The following HMGA2 variants were observed in gnomAD, a reference collection of about 807,000 sequenced individuals.
The protein encoded by HMGA2 is high mobility group protein HMGI-C.
Under a neutral mutation model 19.1 loss-of-function variants are expected in HMGA2, and 8 were observed. The ratio of observed to expected loss-of-function variants is 0.42; its 90% confidence interval spans 0.25 to 0.76. The LOEUF (loss-of-function observed/expected upper bound fraction) is 0.76. Ranked by LOEUF, HMGA2 falls within the 30% of genes least tolerant of loss-of-function variation. The pLI is 0.28. For synonymous variants in HMGA2, 60 were observed against 48.8 expected, an observed-to-expected ratio of 1.23 and a Z score of -0.96; for missense variants, 109 against 136.3, an observed-to-expected ratio of 0.80 and a Z score of 1.00.
chr12:65,881,637 A>G, intron 3 of HMGA2: 1 of 570,526 alleles, frequency 1.8e-6, no homozygotes, highest in Admixed American at 2.3e-5. Flanking sequence ...GGAGGGAGGG[A>G]GGGAGGGAGG....
At chr12:65,832,669 G>A (rs911913951) in intron 2 of HMGA2, among the ~76,000 whole-genome samples, 1 of 152,016 alleles carries the variant, frequency 6.6e-6, no homozygotes, top group East Asian at 1.9e-4. Context: ...ATGAATCTTT[G>A]TTCTGCCAAC....
At chr12:65,868,444 C>T (rs1872545895) in intron 3 of HMGA2, among the ~76,000 whole-genome samples, 1 of 151,984 alleles carries the variant, frequency 6.6e-6, no homozygotes, top group Admixed American at 6.6e-5. Context: ...CGGATGCAGT[C>T]CACTACGATC....
At chr12:65,867,464 T>C (rs1179670028) in intron 3 of HMGA2, 1 of 454,840 alleles carries the variant, frequency 2.2e-6, no homozygotes, top group Non-Finnish European at 4.4e-6. Flanking sequence ...CAGTTTTCCC[T>C]TAATGAGTGT....
chr12:65,898,033 C>T (rs1874208918), intron 3 of HMGA2, among the ~76,000 whole-genome samples: 1 of 151,772 alleles, frequency 6.6e-6, no homozygotes, highest in East Asian at 1.9e-4. Context: ...GTGTTTCCAC[C>T]AGCCACTGAT....
intron 4 of HMGA2, chr12:65,952,672 A>C (rs918233669): frequency 2.6e-6 from 1 of 379,116 alleles, no homozygotes; most frequent in African/African-American, 2.0e-5. Context: ...TTTCATTAGG[A>C]GAACCCAAAT....
chr12:65,858,196 T>C (rs1871843351), intron 3 of HMGA2: 1 of 152,642 alleles, frequency 6.6e-6, no homozygotes. Context: ...TATGGGTTGA[T>C]GCAGTTTCCA....
At chr12:65,872,939 C>T (rs1245926329) in intron 3 of HMGA2, among the ~76,000 whole-genome samples, 3 of 152,190 alleles carry the variant, frequency 2.0e-5, no homozygotes, top group Non-Finnish European at 2.9e-5. Flanking sequence ...GACAGAAAGA[C>T]CCGTTTTTCT....
At chr12:65,903,707 G>C (rs1021202199) in intron 3 of HMGA2, among the ~76,000 whole-genome samples, 1 of 152,222 alleles carries the variant, frequency 6.6e-6, no homozygotes, top group Non-Finnish European at 1.5e-5. Flanking sequence ...TACAGAGGCT[G>C]TTTGTGTTCC....
At chr12:65,896,698 C>G (rs1024808307) in intron 3 of HMGA2, among the ~76,000 whole-genome samples, 1 of 152,198 alleles carries the variant, frequency 6.6e-6, no homozygotes, top group Non-Finnish European at 1.5e-5. Context: ...TAAGATGATT[C>G]TATATACTGA....
At chr12:65,931,554 TG>T (rs1875713456) in intron 3 of HMGA2, among the ~76,000 whole-genome samples, 2 of 65,796 alleles carry the variant, frequency 3.0e-5, no homozygotes, top group Non-Finnish European at 6.7e-5. Flanking sequence ...TAGATGTTTG[TG>T]TGTGTGTGTG....
intron 3 of HMGA2, among the ~76,000 whole-genome samples, chr12:65,900,526 T>TA (rs1316235579): frequency 1.3e-5 from 2 of 152,164 alleles, no homozygotes; most frequent in Non-Finnish European, 2.9e-5. Flanking sequence ...GTTTTCCTCT[T>TA]AGTAGCCACA....
intron 3 of HMGA2, chr12:65,881,958 G>A: frequency 1.4e-6 from 1 of 699,586 alleles, no homozygotes; most frequent in Non-Finnish European, 2.6e-6. Context: ...GGGTTCCTCC[G>A]TAGCCTTTGC....
chr12:65,853,439 G>A (rs925801017), intron 3 of HMGA2, among the ~76,000 whole-genome samples: 1 of 152,084 alleles, frequency 6.6e-6, no homozygotes, highest in African/African-American at 2.4e-5. Context: ...TAATTATGGG[G>A]CTGAAAGTAC....
intron 3 of HMGA2, among the ~76,000 whole-genome samples, chr12:65,934,541 C>A (rs976187103): frequency 7.9e-5 from 12 of 152,130 alleles, no homozygotes; most frequent in Non-Finnish European, 1.3e-4. Context: ...TCCTGAGAGC[C>A]TTGGCCTCTA....
At chr12:65,831,749 C>G (rs2854603) in intron 2 of HMGA2, among the ~76,000 whole-genome samples, 14,234 of 151,772 alleles carry the variant, frequency 0.094, 716 homozygotes, top group South Asian at 0.15. Flanking sequence ...TAATCATTAC[C>G]CACACCAATC....
At position 65,874,995 on chromosome 12, in the gene HMGA2, G is replaced by A. The variant is rs182124610; in HGVS notation, c.249+36426G>A. On this transcript the variant is annotated intron_variant, in intron 3 of 4. Transcript: ENST00000403681. ...CTTTATTCAACCAGAAAGGTTCCCC[G>A]CCCCCCCAGTAATACCCTTTTAGAA... 4.6e-5 allele frequency among the ~76,000 whole-genome samples: 7 copies of A among 151,370 alleles called. No homozygotes were observed. The East Asian group carries it at 5.8e-4, about 13-fold the overall frequency.
chr12:65,887,519 G>A (rs1315942947), intron 3 of HMGA2, among the ~76,000 whole-genome samples: 5 of 151,970 alleles, frequency 3.3e-5, no homozygotes, highest in Non-Finnish European at 7.4e-5. Flanking sequence ...TCAGGAGTTC[G>A]AGACCAGCCT....
intron 3 of HMGA2, among the ~76,000 whole-genome samples, chr12:65,924,882 C>T (rs1183887882): frequency 2.0e-5 from 3 of 152,192 alleles, no homozygotes; most frequent in Non-Finnish European, 2.9e-5. Context: ...AACAGGTCTT[C>T]CTATTTTCTT....
intron 4 of HMGA2, chr12:65,956,283 A>C (rs1385914079): frequency 6.6e-6 from 1 of 152,260 alleles, no homozygotes; most frequent in African/African-American, 2.4e-5. Flanking sequence ...CCAACTGGCA[A>C]AACATGAAGA....
Sources: allele counts gnomAD v4.1 joint callset (sites outside exome capture counted in the v4.1 genomes callset), GRCh38; gene constraint gnomAD v4.1.1; transcripts MANE v1.5; gene names NCBI Gene and HGNC (gene_info 2026-07-23, HGNC 2026-07-21).